The following CFAP299 variants were observed in gnomAD, a reference collection of about 807,000 sequenced individuals.
The protein encoded by CFAP299 is cilia- and flagella-associated protein 299.
CFAP299 carries 21 observed loss-of-function variants against 27.0 expected under a neutral mutation model. The observed-to-expected ratio is 0.78, with a 90% CI of 0.55 to 1.12. CFAP299 has a LOEUF of 1.12. CFAP299 is among the 50% of genes most tolerant of loss of function. CFAP299 has a pLI of 0.00. For missense variants in CFAP299, 310 were observed against 276.6 expected (o/e 1.12, Z -0.86); for synonymous variants, 104 against 98.1 (o/e 1.06, Z -0.36).
chr4:80,928,886 C>A (rs766079644), intron 4 of CFAP299, among the ~76,000 whole-genome samples: 5 of 152,034 alleles, frequency 3.3e-5, no homozygotes, highest in African/African-American at 2.4e-5. Flanking sequence ...TCCGTTCTGT[C>A]CTCATAGTAT....
At chr4:80,779,867 CAAAATTCAGTATGTAAGAGAGACTGGAA>C (rs1726773056) in intron 3 of CFAP299, among the ~76,000 whole-genome samples, 2 of 151,964 alleles carry the variant, frequency 1.3e-5, no homozygotes, top group Non-Finnish European at 2.9e-5. Flanking sequence ...AGAAAACAGG[CAAAATTCAGTATGTAAGAGAGACTGGAA>C]AAAATAAATG....
At chr4:80,380,465 T>C (rs937067511) in intron 2 of CFAP299, among the ~76,000 whole-genome samples, 6 of 148,492 alleles carry the variant, frequency 4.0e-5, no homozygotes, top group Non-Finnish European at 8.9e-5. Flanking sequence ...TCTCACTCTG[T>C]TGCACAGGCT....
In CFAP299 at chr4:80,932,587, C is replaced by T. The variant is rs76431050; in HGVS notation, c.477-12223C>T. The stretch of plus-strand genomic sequence containing the variant: ...TCTCTGTACCATAAATGCAATTCCA[C>T]GTAATATAATTTTTTCCACAGCAGG... On this transcript the variant is annotated intron_variant, in intron 4 of 5. Coordinates refer to ENST00000358105, the MANE Select transcript of CFAP299 (RefSeq NM_152770.3). Among the ~76,000 whole-genome samples the T allele has an allele frequency of 4.4e-3, 668 of 152,048 alleles. 1 individual carries two copies. Among genetic ancestry groups the T allele is most frequent in the Middle Eastern group, 0.014 (4 of 294 alleles).
intron 2 of CFAP299, among the ~76,000 whole-genome samples, chr4:80,428,943 A>AT (rs1157979684): frequency 3.9e-5 from 6 of 152,016 alleles, no homozygotes; most frequent in Admixed American, 2.6e-4. Flanking sequence ...GGCCTTAAAC[A>AT]TTTTTTTCCA....
At chr4:80,675,863 C>T (rs576005549) in intron 3 of CFAP299, among the ~76,000 whole-genome samples, 2 of 152,226 alleles carry the variant, frequency 1.3e-5, no homozygotes, top group African/African-American at 4.8e-5. Context: ...AGGATATAAT[C>T]TCTTCATGTG....
At chr4:80,364,848 A>G (rs1449370675) in intron 2 of CFAP299, among the ~76,000 whole-genome samples, 2 of 152,188 alleles carry the variant, frequency 1.3e-5, no homozygotes, top group East Asian at 3.9e-4. Context: ...GGAGGTGAGA[A>G]CATGCAGTGT....
intron 3 of CFAP299, among the ~76,000 whole-genome samples, chr4:80,829,296 A>G (rs1348208856): frequency 6.6e-6 from 1 of 152,122 alleles, no homozygotes; most frequent in Non-Finnish European, 1.5e-5. Flanking sequence ...CAAAGAAGAT[A>G]CAGGAATGGA....
intron 3 of CFAP299, among the ~76,000 whole-genome samples, chr4:80,700,103 A>G (rs1411285524): frequency 1.3e-5 from 2 of 152,160 alleles, no homozygotes; most frequent in Non-Finnish European, 2.9e-5. Flanking sequence ...AAAAATGAGA[A>G]GTTAAAGGTG....
At chr4:80,659,932 T>C (rs760386949) in intron 3 of CFAP299, among the ~76,000 whole-genome samples, 2 of 152,044 alleles carry the variant, frequency 1.3e-5, no homozygotes, top group Non-Finnish European at 2.9e-5. Flanking sequence ...GTAAAAATAT[T>C]TAGGTAACTT....
intron 2 of CFAP299, among the ~76,000 whole-genome samples, chr4:80,459,920 G>GT (rs1325711360): frequency 6.6e-6 from 1 of 152,082 alleles, no homozygotes; most frequent in East Asian, 1.9e-4. Flanking sequence ...CAAAAGGCAG[G>GT]TTAATAGAAA....
intron 3 of CFAP299, among the ~76,000 whole-genome samples, chr4:80,764,858 T>C (rs1019786744): frequency 6.6e-6 from 1 of 152,062 alleles, no homozygotes; most frequent in Non-Finnish European, 1.5e-5. Flanking sequence ...AAACACTGCA[T>C]GTTCTCACTC....
At chr4:80,673,033 A>G (rs1253842831) in intron 3 of CFAP299, among the ~76,000 whole-genome samples, 1 of 149,626 alleles carries the variant, frequency 6.7e-6, no homozygotes, top group African/African-American at 2.5e-5. Context: ...GATCTTAGTT[A>G]TTTCTTGCCT....
At chr4:80,575,741 A>T in intron 2 of CFAP299, among the ~76,000 whole-genome samples, 1 of 151,020 alleles carries the variant, frequency 6.6e-6, no homozygotes. Context: ...TTTGTTTTAA[A>T]TTTTTGTGTT....
chr4:80,803,860 C>T (rs1163858748), intron 3 of CFAP299, among the ~76,000 whole-genome samples: 1 of 151,726 alleles, frequency 6.6e-6, no homozygotes, highest in African/African-American at 2.4e-5. Context: ...TCAGTGGTGT[C>T]TTAGTCTGTT....
At chr4:80,325,010 C>G in the CFAP299 span, among the ~76,000 whole-genome samples, 3 of 152,214 alleles carry the variant, frequency 2.0e-5, no homozygotes, top group African/African-American at 7.2e-5. Context: ...GTAGTCTCAG[C>G]TACTCAGTAG....
intron 5 of CFAP299, among the ~76,000 whole-genome samples, chr4:80,957,159 A>G (rs1738111653): frequency 6.6e-6 from 1 of 152,150 alleles, no homozygotes; most frequent in Non-Finnish European, 1.5e-5. Flanking sequence ...ATTTTTCAGT[A>G]ACTTTTTACT....
chr4:80,761,784 C>T (rs1725552706), intron 3 of CFAP299, among the ~76,000 whole-genome samples: 3 of 152,004 alleles, frequency 2.0e-5, no homozygotes. Flanking sequence ...TCAGATTTCT[C>T]ATGGGAGCTT....
intron 2 of CFAP299, among the ~76,000 whole-genome samples, chr4:80,482,937 T>C (rs775520751): frequency 2.0e-5 from 3 of 152,196 alleles, no homozygotes; most frequent in Non-Finnish European, 4.4e-5. Context: ...GACAGAACAA[T>C]ACCTTCCCTT....
At chr4:80,847,398 T>A (rs1218308975) in intron 3 of CFAP299, among the ~76,000 whole-genome samples, 1 of 152,110 alleles carries the variant, frequency 6.6e-6, no homozygotes, top group African/African-American at 2.4e-5. Context: ...TCTTCCTCCC[T>A]CTCCTTTTTG....
Sources: allele counts gnomAD v4.1 joint callset (sites outside exome capture counted in the v4.1 genomes callset), GRCh38; gene constraint gnomAD v4.1.1; transcripts MANE v1.5; gene names NCBI Gene and HGNC (gene_info 2026-07-23, HGNC 2026-07-21).